WWOX: variants seen among roughly 807,000 people sequenced by gnomAD.
WWOX encodes WW domain containing oxidoreductase.
In WWOX, 69 loss-of-function variants were observed where a neutral mutation model predicts 46.2. The observed-to-expected ratio is 1.49, with a 90% CI of 1.23 to 1.82. The LOEUF (loss-of-function observed/expected upper bound fraction) is 1.82, where lower values mean the gene tolerates loss of function less well. Among genes scored for constraint, WWOX ranks in the 40% most tolerant of loss-of-function variants. The pLI is 0.00. For missense variants in WWOX, 919 were observed against 542.6 expected (o/e 1.69, Z -6.89); for synonymous variants, 359 against 202.6 (o/e 1.77, Z -6.56).
chr16:78,611,980 C>G (rs2045911407), intron 8 of WWOX, among the ~76,000 whole-genome samples: 1 of 152,202 alleles, frequency 6.6e-6, no homozygotes, highest in Non-Finnish European at 1.5e-5. Context: ...GCCTAGCCCA[C>G]AGATGGGGTC....
chr16:78,787,114 C>T (rs2050476785), intron 8 of WWOX, among the ~76,000 whole-genome samples: 1 of 152,270 alleles, frequency 6.6e-6, no homozygotes, highest in African/African-American at 2.4e-5. Flanking sequence ...CACCACTGGA[C>T]TCCAGCCTGG....
chr16:79,182,384 G>A (rs577836586), intron 8 of WWOX, among the ~76,000 whole-genome samples: 8 of 152,084 alleles, frequency 5.3e-5, no homozygotes, highest in Non-Finnish European at 8.8e-5. Flanking sequence ...CCTTGGTCTC[G>A]ATATTCACAT....
rs62040667 is a variant in WWOX at position 79,151,546 on chromosome 16, A to G, written c.1057-60062A>G. On this transcript the variant is annotated intron_variant, in intron 8 of 8. Transcript: ENST00000566780. The stretch of plus-strand genomic sequence containing the variant: ...CAGGTTGAAGACAAACAGGGCTCCA[A>G]TTATGTTGTGATTTAGAAGGCGACA... 7.3e-3 allele frequency among the ~76,000 whole-genome samples: 1,113 copies of G among 152,314 alleles called. 6 individuals are homozygous for G. Among genetic ancestry groups the G allele is most frequent in the South Asian group, 0.014 (69 of 4,828 alleles).
intron 8 of WWOX, among the ~76,000 whole-genome samples, chr16:78,578,254 T>TTATATATATATATATATATA (rs1194130355): frequency 2.2e-3 from 68 of 31,608 alleles, no homozygotes; most frequent in Non-Finnish European, 2.9e-3. Context: ...ATACCAAATT[T>TTATATATATATATATATATA]TATATATATA....
intron 4 of WWOX, among the ~76,000 whole-genome samples, chr16:78,124,887 T>TG (rs2033293409): frequency 6.6e-6 from 1 of 152,026 alleles, no homozygotes; most frequent in Admixed American, 6.5e-5. Flanking sequence ...GACAGAGAGA[T>TG]GGGGGCGGGG....
intron 5 of WWOX, among the ~76,000 whole-genome samples, chr16:78,315,903 T>C (rs1384633257): frequency 1.3e-5 from 2 of 152,162 alleles, no homozygotes; most frequent in African/African-American, 2.4e-5. Flanking sequence ...ACTACTCTCC[T>C]CGTGTTGAAT....
Position 79,211,660 on chromosome 16 carries a change from G to C in WWOX, c.1109G>C (p.Gly370Ala). The stretch of plus-strand genomic sequence containing the variant: ...TGTGCTGCTGTCCCAGAACTGGAGG[G>C]TCTGGGAGGGATGTACTTCAACAAC... ...VYCAAVPELE[G>A]LGGMYFNNCC... is the part of the protein sequence containing the mutation. The change falls in exon 9 of 9, where the codon GGT (glycine) becomes GCT (alanine). Residue 370 changes from glycine (G) to alanine (A), a missense_variant. Gly to Ala is a moderately conservative substitution (Grantham distance 60, BLOSUM62 0). Transcript: ENST00000566780. 1 of 1,614,196 alleles carries C rather than the reference G, an allele frequency of 6.2e-7. No homozygotes were observed. Among genetic ancestry groups the C allele is most frequent in the Non-Finnish European group, 8.5e-7 (1 of 1,180,034 alleles).
chr16:78,186,436 T>G (rs1182732909), intron 5 of WWOX, among the ~76,000 whole-genome samples: 1 of 152,208 alleles, frequency 6.6e-6, no homozygotes, highest in Non-Finnish European at 1.5e-5. Context: ...CTTTGACTTG[T>G]TGGAATTTTA....
chr16:78,352,392 C>G (rs1028953053), intron 5 of WWOX, among the ~76,000 whole-genome samples: 1 of 152,188 alleles, frequency 6.6e-6, no homozygotes, highest in Admixed American at 6.5e-5. Context: ...CAGCAGGACA[C>G]CATTTCTTTC....
chr16:78,139,776 T>G (rs908767073), intron 4 of WWOX, among the ~76,000 whole-genome samples: 14 of 152,290 alleles, frequency 9.2e-5, no homozygotes, highest in African/African-American at 2.6e-4. Context: ...TAATTTGGGA[T>G]GTGATTACAA....
intron 8 of WWOX, among the ~76,000 whole-genome samples, chr16:78,949,648 T>C (rs1455763489): frequency 6.6e-6 from 1 of 152,246 alleles, no homozygotes; most frequent in Non-Finnish European, 1.5e-5. Flanking sequence ...CCAAGGCTCG[T>C]GTTAACTCCA....
At chr16:79,066,626 A>T (rs1231992591) in intron 8 of WWOX, among the ~76,000 whole-genome samples, 2 of 152,230 alleles carry the variant, frequency 1.3e-5, no homozygotes, top group Admixed American at 1.3e-4. Context: ...GCAGAACTGA[A>T]CAATAGAGCC....
intron 8 of WWOX, among the ~76,000 whole-genome samples, chr16:78,593,051 C>G (rs780910469): frequency 2.0e-5 from 3 of 152,132 alleles, no homozygotes; most frequent in Admixed American, 6.5e-5. Flanking sequence ...ACCAATGTGT[C>G]TAGGCAAATA....
chr16:78,550,542 T>C (rs139506476), intron 8 of WWOX, among the ~76,000 whole-genome samples: 1 of 152,236 alleles, frequency 6.6e-6, no homozygotes, highest in African/African-American at 2.4e-5. Context: ...ATTTTCTTTT[T>C]TGATTTTCAT....
rs115360901 is a variant in WWOX at position 78,219,293 on chromosome 16, T to C, written c.516+55004T>C. ...ATGTTAATATGAATCTAGATGAACA[T>C]TGAGTGTTTTGCTCTTCTTGTTAAT... On this transcript the variant is annotated intron_variant, in intron 5 of 8. Coordinates refer to ENST00000566780, the MANE Select transcript of WWOX (RefSeq NM_016373.4). 8.5e-3 allele frequency among the ~76,000 whole-genome samples: 1,297 copies of C among 152,252 alleles called. 20 individuals carry two copies. Among genetic ancestry groups the C allele is most frequent in the African/African-American group, 0.03 (1,243 of 41,508 alleles).
chr16:79,196,950 A>G (rs753881435), intron 8 of WWOX, among the ~76,000 whole-genome samples: 2 of 152,076 alleles, frequency 1.3e-5, no homozygotes, highest in Admixed American at 6.6e-5. Context: ...CAGTCTCCTC[A>G]TCTCTGAAAT....
intron 5 of WWOX, among the ~76,000 whole-genome samples, chr16:78,183,230 T>A (rs2035588508): frequency 6.6e-6 from 1 of 152,142 alleles, no homozygotes; most frequent in African/African-American, 2.4e-5. Flanking sequence ...TAATAATATC[T>A]ACCACCCACT....
At chr16:78,675,346 C>T (rs1244373699) in intron 8 of WWOX, among the ~76,000 whole-genome samples, 1 of 152,174 alleles carries the variant, frequency 6.6e-6, no homozygotes, top group Admixed American at 6.5e-5. Flanking sequence ...ATTTAAAAAA[C>T]TGTTCATATC....
In WWOX at chr16:78,261,274, G is replaced by GATACATACATAC. The variant is rs201936637; in HGVS notation, c.516+96988_516+96989insCATACATACATA. Among the ~76,000 whole-genome samples, 195 of 147,808 alleles carry GATACATACATAC rather than the reference G, an allele frequency of 1.3e-3. 2 individuals carry two copies. The highest frequency in any genetic ancestry group is 3.0e-3 in the African/African-American group (117 of 39,600). ...TAATGTGTGGTAAGGTAGATAGATA[G>GATACATACATAC]ATAGATAGATACATACATACATACA... On this transcript the variant is annotated intron_variant, in intron 5 of 8. Coordinates refer to ENST00000566780, the MANE Select transcript of WWOX (RefSeq NM_016373.4).
Sources: gnomAD v4.1 joint callset for allele counts (sites outside exome capture counted in the v4.1 genomes callset) on GRCh38, gnomAD v4.1.1 for gene constraint, MANE v1.5 for transcripts, NCBI Gene and HGNC (gene_info 2026-07-23, HGNC 2026-07-21) for gene names.